TENT4B: variants seen among roughly 807,000 people sequenced by gnomAD.
TENT4B encodes the protein PAP associated domain containing 5.
In TENT4B, 10 loss-of-function variants were observed where a neutral mutation model predicts 75.0. That is an observed-to-expected ratio of 0.13 (90% CI 0.08 to 0.23). The LOEUF (loss-of-function observed/expected upper bound fraction) is 0.23. Ranked by LOEUF, TENT4B falls within the 10% of genes least tolerant of loss-of-function variation. The pLI is 1.00. For missense variants in TENT4B, 579 were observed against 893.8 expected (o/e 0.65, Z 4.49); for synonymous variants, 350 against 357.7 (o/e 0.98, Z 0.24).
rs1408421395 is a variant in TENT4B at position 50,234,252 on chromosome 16, G to C, written c.*4924G>C. ...GAGGATGGCTTGAGGCTGGGAGTTTGAGACCTTCATCTCTTAAAAAAACAA... is the reference window on the plus strand; with the variant it reads ...GAGGATGGCTTGAGGCTGGGAGTTTCAGACCTTCATCTCTTAAAAAAACAA... On this transcript the variant is annotated 3_prime_UTR_variant, in exon 12 of 12. Coordinates refer to ENST00000561678, the MANE Select transcript of TENT4B (RefSeq NM_001365324.3). The C allele has an allele frequency of 3.0e-6, 3 of 985,436 alleles. No homozygotes were observed. The East Asian group carries it at 3.4e-4, about 112-fold the overall frequency. The allele number at this position is 985,436 out of a possible 1,614,324, so 61.0% of individuals were successfully genotyped here.
intron 1 of TENT4B, among the ~76,000 whole-genome samples, chr16:50,210,047 C>A (rs1334722522): frequency 1.3e-5 from 2 of 152,094 alleles, no homozygotes; most frequent in African/African-American, 4.8e-5. Flanking sequence ...ACTGCTGTGC[C>A]CCAGGCCAAA....
chr16:50,197,335 C>G lies in TENT4B; in HGVS notation c.639-13988C>G, dbSNP rs1160862393. ...ACAGAGTCTTGCTTTGTCACCCAGG[C>G]TGGAGTGCAGTGGTGCAAGCACAGC... On this transcript the variant is annotated intron_variant, in intron 1 of 11. Coordinates refer to ENST00000561678, the MANE Select transcript of TENT4B (RefSeq NM_001365324.3). Among the ~76,000 whole-genome samples the G allele has an allele frequency of 2.0e-5, 3 of 152,172 alleles. No individual in the cohort carries two copies. In the East Asian group the frequency reaches 5.8e-4, roughly 29 times the overall value.
In TENT4B at chr16:50,157,513, T is replaced by G. The variant is rs1373674237; in HGVS notation, c.638+3254T>G. On this transcript the variant is annotated intron_variant, in intron 1 of 11. Transcript: ENST00000561678. Reference sequence around the variant, plus strand: ...AAATAAAACTCTTGAGCTCATCATCTCAGACTTCTTCATGTACCCACAGAC... The same window carrying G: ...AAATAAAACTCTTGAGCTCATCATCGCAGACTTCTTCATGTACCCACAGAC... 1.2e-4 allele frequency among the ~76,000 whole-genome samples: 18 copies of G among 152,366 alleles called. No individual in the cohort carries two copies. The South Asian group carries it at 3.7e-3, about 32-fold the overall frequency.
rs555798466 is a variant in TENT4B, at chr16:50,174,534, A to G, written c.638+20275A>G. Among the ~76,000 whole-genome samples, 4 of 152,350 alleles carry G rather than the reference A, an allele frequency of 2.6e-5. No individual in the cohort carries two copies. In the East Asian group the frequency reaches 7.7e-4, roughly 29 times the overall value. On this transcript the variant is annotated intron_variant, in intron 1 of 11. Coordinates refer to ENST00000561678, the MANE Select transcript of TENT4B (RefSeq NM_001365324.3). ...CATGCATACAATGTGGATCAAATCA[A>G]GGTAATTAGAGTATTACCTCAAACA...
chr16:50,177,825 T>C (rs1386418913), intron 1 of TENT4B, among the ~76,000 whole-genome samples: 9 of 152,176 alleles, frequency 5.9e-5, no homozygotes, highest in South Asian at 2.1e-4. Flanking sequence ...ACTGAGATTA[T>C]TGATTTTTAG....
Position 50,154,174 on chromosome 16 carries a change from G to C in TENT4B, c.553G>C (p.Ala185Pro), listed in dbSNP as rs1017417902. 1 of 1,510,004 alleles carries C rather than the reference G, an allele frequency of 6.6e-7. No individual in the cohort carries two copies. The highest frequency in any genetic ancestry group is 1.4e-5 in the African/African-American group (1 of 70,630). The allele number at this position is 1,510,004 out of a possible 1,614,324, so 93.5% of individuals were successfully genotyped here. Reference sequence around the variant, plus strand: ...GCTGCAGCCCAGCGGAGGGCGGGCCGCGGGGGGCGGCCGAGCAGACGGCGG... The same window carrying C: ...GCTGCAGCCCAGCGGAGGGCGGGCCCCGGGGGGCGGCCGAGCAGACGGCGG... Reference protein sequence around the residue: ...SLLQPSGGRAAGGGRADGGGV... With the variant: ...SLLQPSGGRAPGGGRADGGGV... Residue 185 changes from alanine (A) to proline (P), a missense_variant, in exon 1 of 12, where the codon GCG becomes CCG. This residue lies in a region of TENT4B where 253 missense variants were observed against 270.1 expected (regional missense o/e 0.94). Coordinates refer to ENST00000561678, the MANE Select transcript of TENT4B (RefSeq NM_001365324.3).
chr16:50,228,006 G>A lies in TENT4B; in HGVS notation c.1965+3G>A. On this transcript the variant is annotated splice_donor_region_variant and intron_variant, in intron 11 of 11. Coordinates refer to ENST00000561678, the MANE Select transcript of TENT4B (RefSeq NM_001365324.3). ...CCAACAGCACCAACAAATCTCAGGT[G>A]TGTGGAACGTGGGTTTTTAATTGTT... 2 of 1,612,722 alleles carry A rather than the reference G, an allele frequency of 1.2e-6. No homozygotes were observed. Among genetic ancestry groups the A allele is most frequent in the Non-Finnish European group, 1.7e-6 (2 of 1,179,078 alleles).
chr16:50,153,249 A>G (rs1160966234), upstream of TENT4B, among the ~76,000 whole-genome samples: 1 of 138,204 alleles, frequency 7.2e-6, no homozygotes, highest in Non-Finnish European at 1.6e-5. Context: ...CGGAGGAGCG[A>G]GGACGCTACG....
At chr16:50,186,771 C>G (rs1358021122) in intron 1 of TENT4B, among the ~76,000 whole-genome samples, 1 of 152,132 alleles carries the variant, frequency 6.6e-6, no homozygotes, top group Non-Finnish European at 1.5e-5. Flanking sequence ...GAATCTCACT[C>G]TGTTGCCCAG....
At chr16:50,160,193 C>T (rs1056956112) in intron 1 of TENT4B, among the ~76,000 whole-genome samples, 2 of 152,186 alleles carry the variant, frequency 1.3e-5, no homozygotes, top group Non-Finnish European at 2.9e-5. Context: ...CCACTGCGCC[C>T]GGCCGCTAAC....
chr16:50,205,894 C>G (rs1222358389), intron 1 of TENT4B, among the ~76,000 whole-genome samples: 1 of 152,026 alleles, frequency 6.6e-6, no homozygotes, highest in Admixed American at 6.6e-5. Context: ...TCTGCCCCTG[C>G]ACATGTCTAA....
chr16:50,174,432 T>C (rs1467552785), intron 1 of TENT4B, among the ~76,000 whole-genome samples: 2 of 152,178 alleles, frequency 1.3e-5, no homozygotes, highest in Admixed American at 6.6e-5. Flanking sequence ...TGTATATGTG[T>C]ATTTTTTGAT....
rs547830084 is a variant in TENT4B at position 50,166,055 on chromosome 16, C to T, written c.638+11796C>T. 3.3e-5 allele frequency among the ~76,000 whole-genome samples: 5 copies of T among 149,582 alleles called. No individual in the cohort carries two copies. The East Asian group carries it at 9.7e-4, about 29-fold the overall frequency. ...TTCTACCAGCAGTGAATGAAATTTC[C>T]AATTTCTCCACATACTTGACAGCAC... On this transcript the variant is annotated intron_variant, in intron 1 of 11. Coordinates refer to ENST00000561678, the MANE Select transcript of TENT4B (RefSeq NM_001365324.3).
intron 1 of TENT4B, among the ~76,000 whole-genome samples, chr16:50,208,565 G>A (rs971836456): frequency 3.9e-5 from 6 of 152,164 alleles, no homozygotes; most frequent in African/African-American, 1.4e-4. Context: ...GAAGCTGCCT[G>A]TGGCAGAATA....
Position 50,153,744 on chromosome 16 carries a change from CAGCGGCGGCGCG to C in TENT4B, c.134_145del (p.Ala45_Gly48del). 4 of 1,057,824 alleles carry C rather than the reference CAGCGGCGGCGCG, an allele frequency of 3.8e-6. No individual in the cohort carries two copies. The highest frequency in any genetic ancestry group is 3.4e-6 in the Non-Finnish European group (3 of 878,382). The allele number at this position is 1,057,824 out of a possible 1,614,324, so 65.5% of individuals were successfully genotyped here. A position where few individuals can be genotyped will look rare whatever the true frequency, so the allele number is the denominator to read the frequency against. ...TCTACTTCAACCACCACTGTCACAG[CAGCGGCGGCGCG>C]AGCGGCGGCGGCGGCAGCAGCAGCA... On this transcript the variant is annotated inframe_deletion, in exon 1 of 12. Coordinates refer to ENST00000561678, the MANE Select transcript of TENT4B (RefSeq NM_001365324.3).
At chr16:50,213,172 G>A (rs1208418941) in intron 2 of TENT4B, among the ~76,000 whole-genome samples, 1 of 152,000 alleles carries the variant, frequency 6.6e-6, no homozygotes, top group Non-Finnish European at 1.5e-5. Flanking sequence ...AAATTTTCCT[G>A]TCTCAGCCTC....
At position 50,224,720 on chromosome 16, in the gene TENT4B, A is replaced by G. The variant is rs1422000670; in HGVS notation, c.1445A>G (p.Tyr482Cys). The change falls in exon 8 of 12, where the codon TAC becomes TGC. Residue 482 changes from tyrosine to cysteine, a missense_variant. Transcript: ENST00000561678. ...GTGAAGCAGGCCTTTGATTATGCCT[A>G]CGTTGTTTTGAGTCATGCTGTATCA... Reference protein sequence around the residue: ...MQVKQAFDYAYVVLSHAVSPI... With the variant: ...MQVKQAFDYACVVLSHAVSPI... The G allele has an allele frequency of 6.2e-7, 1 of 1,614,040 alleles. No homozygotes were observed.
rs954314948 is a variant in TENT4B at position 50,180,564 on chromosome 16, C to A, written c.638+26305C>A. Among the ~76,000 whole-genome samples, 3 of 152,260 alleles carry A rather than the reference C, an allele frequency of 2.0e-5. No homozygotes were observed. The East Asian group carries it at 5.8e-4, about 29-fold the overall frequency. On this transcript the variant is annotated intron_variant, in intron 1 of 11. Transcript: ENST00000561678. ...TCTACTAAAAATACAAAAAAATTAGCCGGGTATGATGGCATGTGCCTGTGG... is the reference window on the plus strand; with the variant it reads ...TCTACTAAAAATACAAAAAAATTAGACGGGTATGATGGCATGTGCCTGTGG...
chr16:50,222,874 T>G (rs1295340926), intron 6 of TENT4B, among the ~76,000 whole-genome samples: 1 of 152,202 alleles, frequency 6.6e-6, no homozygotes, highest in Non-Finnish European at 1.5e-5. Context: ...GCCAACTGCC[T>G]GAGTCTATTC....
Sources: gnomAD v4.1 joint callset for allele counts (sites outside exome capture counted in the v4.1 genomes callset) on GRCh38, gnomAD v4.1.1 for gene constraint, gnomAD v4.1.1 regional missense constraint, MANE v1.5 for transcripts, NCBI Gene and HGNC (gene_info 2026-07-23, HGNC 2026-07-21) for gene names.